DGKD: variants seen among roughly 807,000 people sequenced by gnomAD.
DGKD encodes diacylglycerol kinase delta.
A neutral mutation model predicts 154.4 loss-of-function variants in DGKD; 68 were observed. The ratio of observed to expected loss-of-function variants is 0.44; its 90% CI spans 0.36 to 0.54. DGKD has a LOEUF of 0.54. Ranked by LOEUF, DGKD falls within the 20% of genes least tolerant of loss-of-function variation. The probability of loss-of-function intolerance (pLI) is 0.00; values close to 1 mark genes in which losing one functional copy is unlikely to be tolerated. For synonymous variants in DGKD, 693 were observed against 638.0 expected, an observed-to-expected ratio of 1.09 and a Z score of -1.30; for missense variants, 1,343 against 1,593.6, an observed-to-expected ratio of 0.84 and a Z score of 2.68.
chr2:233,446,685 C>T (rs761707580), intron 11 of DGKD, 27 bp from the exon 12 acceptor site: 5 of 1,610,070 alleles, frequency 3.1e-6, no homozygotes, highest in South Asian at 1.1e-5. Flanking sequence ...CGTCTTGCCG[C>T]CTGTGCAGCT....
intron 5 of DGKD, 81 bp downstream of exon 5, chr2:233,434,982 T>A: frequency 6.5e-7 from 1 of 1,540,728 alleles, no homozygotes; most frequent in Non-Finnish European, 8.7e-7. Flanking sequence ...CCAAACCCAG[T>A]CACCATAAAT....
chr2:233,435,201 C>G (rs2062648592), intron 5 of DGKD, among the ~76,000 whole-genome samples: 1 of 152,202 alleles, frequency 6.6e-6, no homozygotes, highest in South Asian at 2.1e-4. Context: ...GCCCCTGTGT[C>G]TCACACTCTG....
intron 3 of DGKD, among the ~76,000 whole-genome samples, chr2:233,426,094 GC>G (rs1244941307): frequency 3.3e-5 from 5 of 152,172 alleles, no homozygotes; most frequent in Admixed American, 6.5e-5. Context: ...ATTTTAACTT[GC>G]ATTTGCCTTA....
chr2:233,387,377 A>G (rs963452082), intron 1 of DGKD, among the ~76,000 whole-genome samples: 4 of 152,160 alleles, frequency 2.6e-5, no homozygotes, highest in African/African-American at 9.7e-5. Context: ...GGTGGGATGT[A>G]ACATAGTGTG....
In DGKD at chr2:233,440,829, G is replaced by A. The variant is rs573292837; in HGVS notation, c.1086-1058G>A. 6.4e-4 allele frequency among the ~76,000 whole-genome samples: 97 copies of A among 152,346 alleles called. No individual in the cohort carries two copies. Among genetic ancestry groups the A allele is most frequent in the African/African-American group, 2.3e-3 (95 of 41,572 alleles). On this transcript the variant is annotated intron_variant, in intron 9 of 29. Coordinates refer to ENST00000264057, the MANE Select transcript of DGKD (RefSeq NM_152879.3). The surrounding 1 kb of genome is among the most constrained non-coding windows in gnomAD (Gnocchi z 4.9). Reference sequence around the variant, plus strand: ...CTCATGGGGAGCTTTCAGGAAGGGTGTCAAGGTGACTGAGGCTCCTGTGGG... The same window carrying A: ...CTCATGGGGAGCTTTCAGGAAGGGTATCAAGGTGACTGAGGCTCCTGTGGG...
intron 1 of DGKD, among the ~76,000 whole-genome samples, chr2:233,367,092 T>A (rs936513441): frequency 6.6e-6 from 1 of 152,234 alleles, no homozygotes; most frequent in African/African-American, 2.4e-5. Context: ...CATCAAGTTT[T>A]ACGCATCATC....
rs1485479236 is a variant in DGKD, at chr2:233,388,305, C to A, written c.205C>A (p.Arg69=). The change falls in exon 2 of 30, where the codon CGA becomes AGA. Residue 69 remains arginine, a synonymous_variant. Transcript: ENST00000264057. ...GACCAAACAGAACAATTCATTCCAG[C>A]GATCAAAAAGGAGATACTTTAAGCT... The part of the protein sequence containing the change: ...MLTKQNNSFQ[R]SKRRYFKLRG... 2 of 1,613,932 alleles carry A rather than the reference C, an allele frequency of 1.2e-6. No homozygotes were observed. The highest frequency in any genetic ancestry group is 2.2e-5 in the East Asian group (1 of 44,872).
At chr2:233,395,735 C>T (rs1703979322) in intron 3 of DGKD, among the ~76,000 whole-genome samples, 2 of 150,484 alleles carry the variant, frequency 1.3e-5, no homozygotes, top group Non-Finnish European at 3.0e-5. Flanking sequence ...GTGGCATGAT[C>T]ACCATTTACC....
Position 233,355,834 on chromosome 2 carries a change from T to C in DGKD, c.156+1160T>C, listed in dbSNP as rs116491413. On this transcript the variant is annotated intron_variant, in intron 1 of 29. Transcript: ENST00000264057. ...GTTAGCTTTACAGCACTTGACATGG[T>C]TAGTTTATTAGTACTGGTGAGAACC... 2.2e-3 allele frequency among the ~76,000 whole-genome samples: 334 copies of C among 152,332 alleles called. 1 individual carries two copies. The highest frequency in any genetic ancestry group is 8.0e-3 in the African/African-American group (331 of 41,574).
intron 1 of DGKD, among the ~76,000 whole-genome samples, chr2:233,387,647 G>A (rs923855200): frequency 6.6e-6 from 1 of 152,168 alleles, no homozygotes; most frequent in Non-Finnish European, 1.5e-5. Context: ...CTTGTGTTGG[G>A]GTGAACTCAT....
chr2:233,431,571 A>G (rs1377985792), intron 3 of DGKD, among the ~76,000 whole-genome samples: 3 of 152,246 alleles, frequency 2.0e-5, no homozygotes, highest in East Asian at 1.9e-4. Context: ...CTGACTTCAC[A>G]TTATACTACA....
Position 233,459,739 on chromosome 2 carries a change from G to T in DGKD, c.2695-18G>T, listed in dbSNP as rs1364025088. On this transcript the variant is annotated intron_variant, in intron 22 of 29. Coordinates refer to ENST00000264057, the MANE Select transcript of DGKD (RefSeq NM_152879.3). This position sits in a 1 kb window ranked among gnomAD's most constrained non-coding sequence, Gnocchi z 5.7. ...GGGTTTTGGCTCAGCATGAGTAATG[G>T]CTATGATGTCTGCTCAGTGTCGCAC... 1.9e-6 allele frequency: 3 copies of T among 1,612,092 alleles called. No individual in the cohort carries two copies. The highest frequency in any genetic ancestry group is 1.1e-5 in the South Asian group (1 of 90,850).
At chr2:233,460,658 A>G (rs1338189394) in intron 24 of DGKD, among the ~76,000 whole-genome samples, 1 of 152,178 alleles carries the variant, frequency 6.6e-6, no homozygotes, top group Non-Finnish European at 1.5e-5. Context: ...TGGGAGGCCA[A>G]GGTGGGCAGA....
Position 233,469,657 on chromosome 2 carries a change from C to T in DGKD, c.*197C>T, listed in dbSNP as rs985352757. The T allele has an allele frequency of 2.7e-5, 16 of 587,258 alleles. No individual in the cohort carries two copies. The highest frequency in any genetic ancestry group is 9.0e-5 in the Admixed American group (3 of 33,410). 36.4% of individuals were successfully genotyped at this position (587,258 alleles called of 1,614,324 possible). On this transcript the variant is annotated 3_prime_UTR_variant, in exon 30 of 30. Coordinates refer to ENST00000264057, the MANE Select transcript of DGKD (RefSeq NM_152879.3). ...ACCGTCCACCAGAGCTCTGGGGTCTCGAACATAACAACACAGCTACCTTTG... is the reference window on the plus strand; with the variant it reads ...ACCGTCCACCAGAGCTCTGGGGTCTTGAACATAACAACACAGCTACCTTTG...
In DGKD at chr2:233,468,464, C is replaced by T; in HGVS notation, c.3466C>T (p.His1156Tyr). The change falls in exon 29 of 30, where the codon CAC becomes TAC. Residue 1156 changes from histidine (H) to tyrosine (Y), a missense_variant. Coordinates refer to ENST00000264057, the MANE Select transcript of DGKD (RefSeq NM_152879.3). The part of the protein sequence containing the change: ...GTEEVAAWLE[H>Y]LSLCEYKDIF... Reference sequence around the variant, plus strand: ...AGAGGAGGTTGCTGCCTGGCTGGAGCACCTCAGTCTCTGTGAGTATAAGGA... The same window carrying T: ...AGAGGAGGTTGCTGCCTGGCTGGAGTACCTCAGTCTCTGTGAGTATAAGGA... 6.2e-7 allele frequency: 1 copy of T among 1,613,562 alleles called. No individual in the cohort carries two copies. The highest frequency in any genetic ancestry group is 1.1e-5 in the South Asian group (1 of 91,006).
chr2:233,359,924 A>C (rs571243465), intron 1 of DGKD, among the ~76,000 whole-genome samples: 1 of 152,270 alleles, frequency 6.6e-6, no homozygotes, highest in East Asian at 1.9e-4. Flanking sequence ...GGTGAATTTG[A>C]CCTGATATCA....
At position 233,470,351 on chromosome 2, in the gene DGKD, T is replaced by A. The variant is rs556643635; in HGVS notation, c.*891T>A. 5.9e-5 allele frequency: 9 copies of A among 152,486 alleles called. No individual in the cohort carries two copies. Among genetic ancestry groups the A allele is most frequent in the Non-Finnish European group, 1.3e-4 (9 of 68,138 alleles). The allele number at this position is 152,486 out of a possible 1,614,324, so 9.4% of individuals were successfully genotyped here. On this transcript the variant is annotated 3_prime_UTR_variant, in exon 30 of 30. Coordinates refer to ENST00000264057, the MANE Select transcript of DGKD (RefSeq NM_152879.3). ...GCTCTGGGAAACTTTTTCTGCCCAT[T>A]CTGTGGTTCCCAGGGAGCGTGGCCC...
intron 8 of DGKD, among the ~76,000 whole-genome samples, chr2:233,437,819 A>G (rs1269563626): frequency 3.3e-5 from 5 of 152,298 alleles, no homozygotes; most frequent in South Asian, 2.1e-4. Flanking sequence ...CTTCTCCGTC[A>G]TGAGCCATTG....
chr2:233,435,378 T>C (rs2062654563), intron 5 of DGKD, among the ~76,000 whole-genome samples: 1 of 152,248 alleles, frequency 6.6e-6, no homozygotes, highest in Non-Finnish European at 1.5e-5. Flanking sequence ...TGCCTGTTTT[T>C]GTACAGCTCC....
Sources: allele counts gnomAD v4.1 joint callset (sites outside exome capture counted in the v4.1 genomes callset), GRCh38; gene constraint gnomAD v4.1.1; non-coding constraint Gnocchi (gnomAD v3.1); transcripts MANE v1.5; gene names NCBI Gene and HGNC (gene_info 2026-07-23, HGNC 2026-07-21).